Variants in ANKHD1 observed in about 807,000 individuals in gnomAD.
ANKHD1 encodes ankyrin repeat and KH domain-containing protein 1.
Under a neutral mutation model 230.5 loss-of-function variants are expected in ANKHD1, and 31 were observed. The observed-to-expected ratio is 0.13, with a 90% CI of 0.10 to 0.18. The LOEUF is 0.18. Among genes scored for constraint, ANKHD1 ranks in the 10% least tolerant of loss-of-function variants. The pLI is 1.00. For synonymous variants in ANKHD1, 1,074 were observed against 1,117.6 expected (o/e 0.96, Z 0.78); for missense variants, 2,256 against 3,071.3 (o/e 0.73, Z 6.27).
In ANKHD1 at chr5:140,497,226, G is replaced by T. The variant is rs1424457761; in HGVS notation, c.2952G>T (p.Met984Ile). The stretch of plus-strand genomic sequence containing the variant: ...TAGTTCAAGAACCAGATGGACTAAT[G>T]GTTGCAACTCCAGCTCAGACGCTTA... The part of the protein sequence containing the change: ...GLLVQEPDGL[M>I]VATPAQTLTD... Residue 984 changes from methionine (M) to isoleucine (I), a missense_variant, in exon 15 of 34, where the codon ATG becomes ATT. Transcript: ENST00000360839. 3.1e-6 allele frequency: 5 copies of T among 1,610,010 alleles called. No homozygotes were observed. Among genetic ancestry groups the T allele is most frequent in the Non-Finnish European group, 4.2e-6 (5 of 1,179,972 alleles).
At chr5:140,487,727 T>C (rs1751573609) in intron 14 of ANKHD1, among the ~76,000 whole-genome samples, 1 of 152,212 alleles carries the variant, frequency 6.6e-6, no homozygotes, top group African/African-American at 2.4e-5. Context: ...TGTATAGTTG[T>C]AATATCTGAG....
At chr5:140,493,795 A>G (rs1356943523) in intron 14 of ANKHD1, among the ~76,000 whole-genome samples, 2 of 152,204 alleles carry the variant, frequency 1.3e-5, no homozygotes, top group African/African-American at 4.8e-5. Context: ...TACTCTTAGT[A>G]ATCTTGTGTT....
chr5:140,532,148 A>G (rs1356402550), intron 29 of ANKHD1, among the ~76,000 whole-genome samples: 1 of 151,360 alleles, frequency 6.6e-6, no homozygotes, highest in African/African-American at 2.4e-5. Flanking sequence ...TGGAGGTTGC[A>G]GTGAGCTGAG....
At chr5:140,479,240 C>G (rs1446997846) in intron 10 of ANKHD1, among the ~76,000 whole-genome samples, 1 of 151,848 alleles carries the variant, frequency 6.6e-6, no homozygotes, top group South Asian at 2.1e-4. Flanking sequence ...CTCATGATCC[C>G]CCCCGCCTCG....
rs373974364 is a variant in ANKHD1, at chr5:140,535,438, A to C, written c.6927A>C (p.Pro2309=). 14 of 1,613,676 alleles carry C rather than the reference A, an allele frequency of 8.7e-6. No homozygotes were observed. Among genetic ancestry groups the C allele is most frequent in the Non-Finnish European group, 1.2e-5 (14 of 1,179,862 alleles). ...CTCTGGCAAGTTTTTCCGGCATACC[A>C]GGAACAAGGGTTTTCCTGCAAGGGC... ...SAPLASFSGI[P]GTRVFLQGPA... Residue 2309 remains proline (P), a synonymous_variant, in exon 30 of 34, where the codon CCA becomes CCC. Transcript: ENST00000360839.
At chr5:140,480,380 A>C (rs753357857) in intron 10 of ANKHD1, among the ~76,000 whole-genome samples, 1 of 152,060 alleles carries the variant, frequency 6.6e-6, no homozygotes, top group Non-Finnish European at 1.5e-5. Flanking sequence ...AAATATACAG[A>C]ATTAACAGTT....
intron 10 of ANKHD1, among the ~76,000 whole-genome samples, chr5:140,474,915 T>C (rs958505015): frequency 3.3e-5 from 5 of 152,180 alleles, no homozygotes; most frequent in African/African-American, 1.2e-4. Flanking sequence ...CTTAATAAAC[T>C]TTAAATGTGA....
chr5:140,416,068 C>G (rs1207055770), intron 1 of ANKHD1, among the ~76,000 whole-genome samples: 3 of 152,082 alleles, frequency 2.0e-5, no homozygotes, highest in Non-Finnish European at 4.4e-5. Context: ...ATAGTTTGCT[C>G]AGAATGATGG....
intron 25 of ANKHD1, chr5:140,524,987 C>A: frequency 3.3e-6 from 1 of 302,682 alleles, no homozygotes; most frequent in Non-Finnish European, 6.5e-6. Context: ...GGCGTGGTGG[C>A]ACATGCCTAT....
rs553927813 is a variant in ANKHD1 at position 140,446,298 on chromosome 5, A to G, written c.1147+323A>G. 3.9e-5 allele frequency among the ~76,000 whole-genome samples: 6 copies of G among 152,334 alleles called. No homozygotes were observed. The East Asian group carries it at 1.2e-3, about 29-fold the overall frequency. On this transcript the variant is annotated intron_variant, in intron 6 of 33. Coordinates refer to ENST00000360839, the MANE Select transcript of ANKHD1 (RefSeq NM_017747.3). The stretch of plus-strand genomic sequence containing the variant: ...TTCCAATGTTTATTTAAAAAATAGT[A>G]CATGCCAAAGTAATAATACACACAA...
At chr5:140,482,717 A>G (rs1751338972) in intron 11 of ANKHD1, 50 bp downstream of exon 11, 2 of 1,586,668 alleles carry the variant, frequency 1.3e-6, no homozygotes, top group Admixed American at 3.6e-5. Context: ...TTTATGGAAA[A>G]AAAAATCCTA....
chr5:140,436,398 GA>G (rs1773447459), intron 2 of ANKHD1, 141 bp downstream of exon 2: 2 of 1,140,146 alleles, frequency 1.8e-6, no homozygotes, highest in Non-Finnish European at 2.3e-6. Context: ...ATCTCCCAAA[GA>G]AAATGTTCAC....
Position 140,459,200 on chromosome 5 carries a change from A to C in ANKHD1, c.1517A>C (p.Glu506Ala), listed in dbSNP as rs1363719909. 1.9e-6 allele frequency: 3 copies of C among 1,597,532 alleles called. No individual in the cohort carries two copies. Among genetic ancestry groups the C allele is most frequent in the Non-Finnish European group, 2.6e-6 (3 of 1,168,938 alleles). The change falls in exon 9 of 34, where the codon GAA (glutamate) becomes GCA (alanine). Residue 506 changes from glutamate (E) to alanine (A), a missense_variant. By Grantham distance (107) the Glu-to-Ala change is moderately radical. This residue lies in a region of ANKHD1 where 179 missense variants were observed against 261.8 expected (regional missense o/e 0.68). Transcript: ENST00000360839. ...AATGCCCAGACAGAAGAAACTCAAG[A>C]AACTGCTCTTACTTTGGCTTGCTGT... ...NINAQTEETQ[E>A]TALTLACCGG...
At chr5:140,409,761 C>G (rs1770774828) in intron 1 of ANKHD1, among the ~76,000 whole-genome samples, 1 of 151,886 alleles carries the variant, frequency 6.6e-6, no homozygotes, top group South Asian at 2.1e-4. Flanking sequence ...ACTGTGTTAC[C>G]CAGGATGGTC....
chr5:140,498,891 A>AAT (rs1204778743), intron 15 of ANKHD1, among the ~76,000 whole-genome samples: 3 of 152,056 alleles, frequency 2.0e-5, no homozygotes, highest in African/African-American at 7.2e-5. Context: ...ATAGCTCTAA[A>AAT]AGGAACTTGT....
intron 10 of ANKHD1, among the ~76,000 whole-genome samples, chr5:140,467,405 CATT>C (rs1776168638): frequency 6.6e-6 from 1 of 152,024 alleles, no homozygotes. Context: ...TTCTTTTCCT[CATT>C]ATAAAAAGCA....
chr5:140,497,395 A>G, intron 15 of ANKHD1, 117 bp downstream of exon 15: 1 of 1,441,790 alleles, frequency 6.9e-7, no homozygotes, highest in Non-Finnish European at 9.1e-7. Flanking sequence ...TTGTAAAATT[A>G]CCCATTTCTC....
intron 1 of ANKHD1, among the ~76,000 whole-genome samples, chr5:140,430,341 C>T (rs1772936836): frequency 6.6e-6 from 1 of 152,142 alleles, no homozygotes; most frequent in African/African-American, 2.4e-5. Context: ...AAAAATAATA[C>T]TGCTATAAGT....
Position 140,529,663 on chromosome 5 carries a change from A to G in ANKHD1, c.6717A>G (p.Thr2239=), listed in dbSNP as rs749361462. 1.9e-6 allele frequency: 3 copies of G among 1,614,246 alleles called. No individual in the cohort carries two copies. The highest frequency in any genetic ancestry group is 2.5e-6 in the Non-Finnish European group (3 of 1,180,034). Reference sequence around the variant, plus strand: ...GTCCACTGTCCTCACGAGTTGCTACAGATGCCTCTTTCACTGTTCAGTCAG... The same window carrying G: ...GTCCACTGTCCTCACGAGTTGCTACGGATGCCTCTTTCACTGTTCAGTCAG... ...GDGPLSSRVA[T]DASFTVQSAF... Residue 2239 remains threonine (T), a synonymous_variant, in exon 29 of 34, where the codon ACA becomes ACG. Transcript: ENST00000360839.
Sources: allele counts gnomAD v4.1 joint callset (sites outside exome capture counted in the v4.1 genomes callset), GRCh38; gene constraint gnomAD v4.1.1; regional missense constraint gnomAD v4.1.1; transcripts MANE v1.5; gene names NCBI Gene and HGNC (gene_info 2026-07-23, HGNC 2026-07-21).